Variants in PCDH15 observed in about 807,000 individuals in gnomAD.
The protein encoded by PCDH15 is protocadherin-15.
Under a neutral mutation model 178.5 loss-of-function variants are expected in PCDH15, and 129 were observed. The ratio of observed to expected loss-of-function variants is 0.72; its 90% CI spans 0.63 to 0.84. The LOEUF is 0.84. Among genes scored for constraint, PCDH15 ranks in the 40% least tolerant of loss-of-function variants. The pLI, the probability that PCDH15 is intolerant of heterozygous loss-of-function variation, is 0.00. For missense variants in PCDH15, 2,230 were observed against 2,099.9 expected, an observed-to-expected ratio of 1.06 and a Z score of -1.21; for synonymous variants, 800 against 732.0, an observed-to-expected ratio of 1.09 and a Z score of -1.50.
intron 29 of PCDH15, among the ~76,000 whole-genome samples, chr10:53,832,802 C>T (rs2132652892): frequency 1.3e-5 from 2 of 151,986 alleles, no homozygotes; most frequent in East Asian, 3.9e-4. Context: ...AGTGACCATG[C>T]TGATTTTAAA....
chr10:53,957,256 T>G (rs925199060), intron 23 of PCDH15, among the ~76,000 whole-genome samples: 8 of 152,082 alleles, frequency 5.3e-5, no homozygotes, highest in African/African-American at 1.9e-4. Context: ...ACTGTGAGCG[T>G]TTTTTTGGAT....
At chr10:54,052,735 G>A (rs1261070596) in intron 18 of PCDH15, among the ~76,000 whole-genome samples, 4 of 151,934 alleles carry the variant, frequency 2.6e-5, no homozygotes, top group Non-Finnish European at 4.4e-5. Flanking sequence ...GTTTGGGAGG[G>A]GTCAGGGGCA....
rs144211561 is a variant in PCDH15 at position 54,458,813 on chromosome 10, G to C, written c.157+68999C>G. On this transcript the variant is annotated intron_variant, in intron 3 of 37. Transcript: ENST00000644397. ...TCTTGCCTTTGGATCCCAGGGTCAC[G>C]TACTAGCTGTCTGACCTTGAGCAAG... Among the ~76,000 whole-genome samples the C allele has an allele frequency of 2.2e-3, 339 of 152,188 alleles. 1 individual carries two copies. Among genetic ancestry groups the C allele is most frequent in the African/African-American group, 7.6e-3 (316 of 41,542 alleles).
intron 2 of PCDH15, among the ~76,000 whole-genome samples, chr10:55,420,437 T>C (rs1210288506): frequency 6.7e-6 from 1 of 149,776 alleles, no homozygotes; most frequent in Non-Finnish European, 1.5e-5. Context: ...TAGGGTTATG[T>C]TGACAGGATC....
chr10:54,203,630 G>A lies in PCDH15; in HGVS notation c.1099-7741C>T, dbSNP rs192290121. Among the ~76,000 whole-genome samples the A allele has an allele frequency of 3.4e-3, 516 of 152,190 alleles. 5 individuals are homozygous for A. Among genetic ancestry groups the A allele is most frequent in the African/African-American group, 0.012 (486 of 41,538 alleles). Reference sequence around the variant, plus strand: ...TTCCTGTTGCTAGTGACTAAACATAGGATATAAGGCTACTATGTAATTCAA... The same window carrying A: ...TTCCTGTTGCTAGTGACTAAACATAAGATATAAGGCTACTATGTAATTCAA... On this transcript the variant is annotated intron_variant, in intron 10 of 37. Coordinates refer to ENST00000644397, the MANE Select transcript of PCDH15 (RefSeq NM_001384140.1).
At chr10:54,671,354 C>T (rs1200844215) in intron 1 of PCDH15, among the ~76,000 whole-genome samples, 1 of 151,834 alleles carries the variant, frequency 6.6e-6, no homozygotes, top group Non-Finnish European at 1.5e-5. Context: ...AAGGCAAATC[C>T]ATCAGCAAAA....
chr10:54,123,807 G>A (rs571169173), intron 15 of PCDH15, among the ~76,000 whole-genome samples: 57 of 152,132 alleles, frequency 3.7e-4, no homozygotes, highest in Non-Finnish European at 6.5e-4. Flanking sequence ...TATACACTAC[G>A]GAATACTACA....
chr10:55,579,596 G>T (rs1842565126), intron 2 of PCDH15, among the ~76,000 whole-genome samples: 1 of 151,950 alleles, frequency 6.6e-6, no homozygotes, highest in Admixed American at 6.5e-5. Context: ...GGCAAAATTA[G>T]GTATTATGGA....
At chr10:54,086,101 G>C (rs1278117885) in intron 16 of PCDH15, among the ~76,000 whole-genome samples, 1 of 152,022 alleles carries the variant, frequency 6.6e-6, no homozygotes, top group Non-Finnish European at 1.5e-5. Context: ...AATTTATAAA[G>C]AAAATAAGTT....
intron 3 of PCDH15, among the ~76,000 whole-genome samples, chr10:54,442,563 T>C (rs2075895396): frequency 6.8e-6 from 1 of 147,922 alleles, no homozygotes; most frequent in African/African-American, 2.5e-5. Context: ...TAATTATGCA[T>C]AAATTCCTAT....
chr10:55,625,802 A>T (rs1239630260), intron 2 of PCDH15, among the ~76,000 whole-genome samples: 1 of 151,960 alleles, frequency 6.6e-6, no homozygotes, highest in Non-Finnish European at 1.5e-5. Context: ...CACACCTCTC[A>T]GATTTTTGTT....
At chr10:54,311,059 C>G (rs755821056) in intron 8 of PCDH15, among the ~76,000 whole-genome samples, 9 of 151,958 alleles carry the variant, frequency 5.9e-5, no homozygotes, top group Non-Finnish European at 1.2e-4. Context: ...CATAGATAAA[C>G]CAGAGAAGCT....
At chr10:55,580,980 C>G (rs1283747965) in intron 2 of PCDH15, among the ~76,000 whole-genome samples, 1 of 152,110 alleles carries the variant, frequency 6.6e-6, no homozygotes, top group Non-Finnish European at 1.5e-5. Context: ...ATGTGAAAAC[C>G]ACAATGAGAT....
chr10:55,022,678 T>A, intron 2 of PCDH15, among the ~76,000 whole-genome samples: 1 of 151,276 alleles, frequency 6.6e-6, no homozygotes, highest in East Asian at 1.9e-4. Context: ...ATTTATTTTA[T>A]TTGATAAACT....
chr10:54,652,592 A>G (rs765006428), intron 2 of PCDH15, among the ~76,000 whole-genome samples: 18 of 152,298 alleles, frequency 1.2e-4, no homozygotes, highest in African/African-American at 1.7e-4. Flanking sequence ...TTTTGAAGAG[A>G]TAATTAAGTT....
chr10:53,971,897 C>G (rs1321211340), intron 21 of PCDH15, among the ~76,000 whole-genome samples: 1 of 152,146 alleles, frequency 6.6e-6, no homozygotes. Context: ...CCATCCCCAT[C>G]AAGCTACCAA....
intron 11 of PCDH15, among the ~76,000 whole-genome samples, chr10:54,188,727 T>C (rs2048696840): frequency 2.0e-5 from 3 of 151,876 alleles, no homozygotes; most frequent in Admixed American, 6.6e-5. Flanking sequence ...TGTTCAAAGA[T>C]GAGAGTCTAC....
intron 2 of PCDH15, among the ~76,000 whole-genome samples, chr10:54,952,184 T>C (rs1232309615): frequency 6.6e-6 from 1 of 151,918 alleles, no homozygotes; most frequent in Non-Finnish European, 1.5e-5. Flanking sequence ...TTTGAACTAA[T>C]TTTCATGAAA....
chr10:54,018,848 C>T (rs919470845), intron 20 of PCDH15, among the ~76,000 whole-genome samples: 5 of 151,990 alleles, frequency 3.3e-5, no homozygotes, highest in African/African-American at 1.2e-4. Context: ...TCTATAGTCA[C>T]TTGGTAAAAT....
Sources: gnomAD v4.1 joint callset for allele counts (sites outside exome capture counted in the v4.1 genomes callset) on GRCh38, gnomAD v4.1.1 for gene constraint, MANE v1.5 for transcripts, NCBI Gene and HGNC (gene_info 2026-07-23, HGNC 2026-07-21) for gene names.